TRIM14: variants seen among roughly 807,000 people sequenced by gnomAD.
TRIM14 encodes tripartite motif containing 14.
TRIM14 carries 28 observed loss-of-function variants against 44.5 expected under a neutral mutation model. The observed-to-expected ratio is 0.63, with a 90% CI of 0.47 to 0.86. The LOEUF is 0.86. TRIM14 is among the 40% of genes least tolerant of loss of function. The pLI, the probability that TRIM14 is intolerant of heterozygous loss-of-function variation, is 0.00. For synonymous variants in TRIM14, 299 were observed against 269.2 expected, an observed-to-expected ratio of 1.11 and a Z score of -1.08; for missense variants, 607 against 611.1, an observed-to-expected ratio of 0.99 and a Z score of 0.07.
downstream of TRIM14, among the ~76,000 whole-genome samples, chr9:98,065,483 AT>A (rs397837187): frequency 1.9e-3 from 110 of 58,626 alleles, 1 homozygote; most frequent in Middle Eastern, 0.012. Context: ...TGCCCAGCTA[AT>A]TTTTTTTTTT....
At chr9:98,099,056 AG>A (rs920488568) in intron 3 of TRIM14, among the ~76,000 whole-genome samples, 1 of 152,160 alleles carries the variant, frequency 6.6e-6, no homozygotes, top group African/African-American at 2.4e-5. Context: ...AACAAAGCCC[AG>A]TGGCCAAGGA....
chr9:98,114,602 G>C (rs545337310), intron 1 of TRIM14, among the ~76,000 whole-genome samples: 5 of 152,226 alleles, frequency 3.3e-5, no homozygotes, highest in African/African-American at 9.6e-5. Context: ...GATTACAGGC[G>C]TGAGCCACCG....
the TRIM14 span, among the ~76,000 whole-genome samples, chr9:98,044,077 G>C: frequency 6.7e-6 from 1 of 149,722 alleles, no homozygotes; most frequent in African/African-American, 2.5e-5. Flanking sequence ...GTGGGTCAAA[G>C]TGTGTGCTGC....
the TRIM14 span, among the ~76,000 whole-genome samples, chr9:98,049,946 A>G: frequency 6.6e-6 from 1 of 152,218 alleles, no homozygotes; most frequent in Non-Finnish European, 1.5e-5. Flanking sequence ...TCACGAATTG[A>G]GCAGCTTTTT....
downstream of TRIM14, chr9:98,083,061 A>C: frequency 1.2e-6 from 2 of 1,613,444 alleles, no homozygotes; most frequent in Non-Finnish European, 1.7e-6. Flanking sequence ...CTTAAAAATA[A>C]AGTGCCATTC....
intron 2 of TRIM14, among the ~76,000 whole-genome samples, chr9:98,102,943 T>C (rs1171725926): frequency 6.6e-6 from 1 of 151,796 alleles, no homozygotes; most frequent in East Asian, 1.9e-4. Context: ...TCCCAGCACT[T>C]TGGGAGGCTG....
intron 3 of TRIM14, among the ~76,000 whole-genome samples, chr9:98,098,704 A>T (rs1826276966): frequency 6.6e-6 from 1 of 151,208 alleles, no homozygotes; most frequent in Non-Finnish European, 1.5e-5. Context: ...ACTCCGTCTC[A>T]AAAAAAAAGA....
At chr9:98,116,418 G>C (rs561292521) in intron 1 of TRIM14, among the ~76,000 whole-genome samples, 30 of 152,260 alleles carry the variant, frequency 2.0e-4, no homozygotes, top group African/African-American at 7.2e-4. Flanking sequence ...CTTTCCGACA[G>C]GTCTAGGAAC....
intron 3 of TRIM14, 51 bp downstream of exon 3, chr9:98,099,880 T>A (rs1826325067): frequency 6.6e-7 from 1 of 1,512,608 alleles, no homozygotes; most frequent in African/African-American, 1.4e-5. Flanking sequence ...ATACTTGAGA[T>A]GAAGTGTGGG....
chr9:98,111,054 C>G (rs375157178), intron 1 of TRIM14, among the ~76,000 whole-genome samples: 28 of 151,016 alleles, frequency 1.9e-4, no homozygotes, highest in East Asian at 9.7e-4. Flanking sequence ...CCTGTCCCCC[C>G]CCCCAAAAAA....
At chr9:98,056,601 C>T in the TRIM14 span, 1 of 680,782 alleles carries the variant, frequency 1.5e-6, no homozygotes. Flanking sequence ...GCCGCCCTTC[C>T]CGCGGGAGGC....
intron 2 of TRIM14, among the ~76,000 whole-genome samples, chr9:98,107,546 A>G (rs750293097): frequency 1.3e-5 from 2 of 152,244 alleles, no homozygotes; most frequent in African/African-American, 2.4e-5. Context: ...ATACCTCAAA[A>G]GATCATTTTC....
the TRIM14 span, among the ~76,000 whole-genome samples, chr9:98,042,762 C>G: frequency 6.6e-6 from 1 of 151,562 alleles, no homozygotes; most frequent in Non-Finnish European, 1.5e-5. Context: ...ACCAGCTACT[C>G]AGGAGGCTGA....
chr9:98,087,594 A>G lies in TRIM14; in HGVS notation c.1205T>C (p.Leu402Pro). 6.3e-7 allele frequency: 1 copy of G among 1,599,868 alleles called. No homozygotes were observed. The highest frequency in any genetic ancestry group is 8.5e-7 in the Non-Finnish European group (1 of 1,176,344). ...GVFLDYEAGVLAFYDVTGGMS... is the reference protein window; with the variant it reads ...GVFLDYEAGVPAFYDVTGGMS... ...GCCGCCCGTCACGTCGTAGAAGGCG[A>G]GGACGCCGGCCTCGTAGTCCAGGAA... The change falls in exon 6 of 6, where the codon CTC (leucine) becomes CCC (proline). Residue 402 changes from leucine to proline, a missense_variant. Leu to Pro is a moderately conservative substitution (Grantham distance 98). Around this residue, in one of 3 missense-constraint regions of TRIM14, gnomAD observed 356 missense variants for 323.0 expected, o/e 1.10. Transcript: ENST00000341469.
At chr9:98,099,452 CAAAAAAA>C (rs768209860) in intron 3 of TRIM14, among the ~76,000 whole-genome samples, 1 of 36,834 alleles carries the variant, frequency 2.7e-5, no homozygotes, top group East Asian at 7.7e-4. Flanking sequence ...AACTCCATCT[CAAAAAAA>C]AAAAAAAAAA....
downstream of TRIM14, among the ~76,000 whole-genome samples, chr9:98,067,907 A>G (rs1829197210): frequency 6.6e-6 from 1 of 151,984 alleles, no homozygotes; most frequent in Non-Finnish European, 1.5e-5. Context: ...TTTTTTGTAG[A>G]GACAAGATCT....
the TRIM14 span, among the ~76,000 whole-genome samples, chr9:98,046,852 T>C: frequency 0.2 from 29,936 of 146,676 alleles, 3,616 homozygotes; most frequent in Admixed American, 0.28. Flanking sequence ...TGCCTTGTAC[T>C]CTTTGCTGAC....
chr9:98,048,744 C>T, the TRIM14 span, among the ~76,000 whole-genome samples: 1 of 152,166 alleles, frequency 6.6e-6, no homozygotes. Context: ...AAGGAATAGG[C>T]TGGGCATGGT....
At chr9:98,078,007 C>T in intron 6 of TRIM14, 2 of 762,638 alleles carry the variant, frequency 2.6e-6, no homozygotes, top group Non-Finnish European at 4.1e-6. Context: ...GGGGAGCCCA[C>T]CTTTCCTGTG....
Sources: allele counts gnomAD v4.1 joint callset (sites outside exome capture counted in the v4.1 genomes callset), GRCh38; gene constraint gnomAD v4.1.1; regional missense constraint gnomAD v4.1.1; transcripts MANE v1.5; gene names NCBI Gene and HGNC (gene_info 2026-07-23, HGNC 2026-07-21).